The following ADGRV1 variants were observed in gnomAD, a reference collection of about 807,000 sequenced individuals.
ADGRV1 encodes the protein adhesion G protein-coupled receptor V1.
Under a neutral mutation model 596.2 loss-of-function variants are expected in ADGRV1, and 359 were observed. The ratio of observed to expected loss-of-function variants is 0.60; its 90% CI spans 0.55 to 0.66. The LOEUF is 0.66. ADGRV1 is among the 30% of genes least tolerant of loss of function. ADGRV1 has a pLI of 0.00. For missense variants in ADGRV1, 7,274 were observed against 7,575.6 expected (o/e 0.96, Z 1.48); for synonymous variants, 2,681 against 2,679.2 (o/e 1.00, Z -0.02).
rs2150128996 is a variant in ADGRV1, at chr5:90,789,649, AT to A, written c.13894-50del. 3.6e-6 allele frequency: 4 copies of A among 1,123,556 alleles called. No homozygotes were observed. In the South Asian group the frequency reaches 6.2e-5, roughly 17 times the overall value. The allele number at this position is 1,123,556 out of a possible 1,614,324, so 69.6% of individuals were successfully genotyped here. On this transcript the variant is annotated intron_variant, in intron 68 of 89. Transcript: ENST00000405460. ...GTTTGTTAATATGTTGGATACTATA[AT>A]TTCATCCCTATTGTTTTATAAATTA...
intron 21 of ADGRV1, among the ~76,000 whole-genome samples, chr5:90,671,442 T>C (rs1397259352): frequency 6.6e-6 from 1 of 152,164 alleles, no homozygotes; most frequent in East Asian, 1.9e-4. Flanking sequence ...AGAGTTAGAA[T>C]GTTGCCCCTG....
intron 7 of ADGRV1, among the ~76,000 whole-genome samples, chr5:90,628,220 CAAAAT>C (rs70999498): frequency 4.0e-4 from 52 of 129,566 alleles, no homozygotes; most frequent in East Asian, 1.9e-3. Flanking sequence ...ACCCCGCCCA[CAAAAT>C]AAAATAAAAT....
At chr5:91,029,264 T>C (rs1282387599) in intron 85 of ADGRV1, among the ~76,000 whole-genome samples, 1 of 152,238 alleles carries the variant, frequency 6.6e-6, no homozygotes, top group East Asian at 1.9e-4. Context: ...TTTGCCTGTT[T>C]AATCAATATA....
At chr5:90,851,534 G>T (rs1766526846) in intron 79 of ADGRV1, among the ~76,000 whole-genome samples, 1 of 152,124 alleles carries the variant, frequency 6.6e-6, no homozygotes, top group South Asian at 2.1e-4. Context: ...ATATTGAGGA[G>T]AATGACGGAA....
intron 75 of ADGRV1, among the ~76,000 whole-genome samples, chr5:90,822,966 T>C (rs958572697): frequency 6.6e-6 from 1 of 152,208 alleles, no homozygotes; most frequent in Non-Finnish European, 1.5e-5. Context: ...TTGTGATTTC[T>C]GTACATTGAT....
chr5:90,644,308 G>C (rs1767417358), intron 14 of ADGRV1, among the ~76,000 whole-genome samples: 1 of 152,174 alleles, frequency 6.6e-6, no homozygotes, highest in South Asian at 2.1e-4. Context: ...GAGGTGACTG[G>C]AAATGATAAA....
At chr5:90,704,254 A>AT in intron 35 of ADGRV1, 135 bp from the exon 36 acceptor site, 1 of 629,882 alleles carries the variant, frequency 1.6e-6, no homozygotes, top group Non-Finnish European at 2.8e-6. Flanking sequence ...TTATTTATTT[A>AT]TTTTTAAGCC....
chr5:91,127,103 A>G (rs1229450101), intron 87 of ADGRV1, among the ~76,000 whole-genome samples: 1 of 152,190 alleles, frequency 6.6e-6, no homozygotes, highest in Non-Finnish European at 1.5e-5. Flanking sequence ...GTGCTGTACC[A>G]GACTCTTTGT....
chr5:90,669,935 C>T (rs1368252703), intron 21 of ADGRV1, among the ~76,000 whole-genome samples: 2 of 150,792 alleles, frequency 1.3e-5, no homozygotes, highest in Admixed American at 6.6e-5. Context: ...ACTTGGTCCT[C>T]TTCTCCTCTC....
intron 75 of ADGRV1, among the ~76,000 whole-genome samples, chr5:90,819,881 A>C (rs968902025): frequency 1.3e-5 from 2 of 152,092 alleles, no homozygotes; most frequent in African/African-American, 4.8e-5. Context: ...GCTGAAAAAA[A>C]TGTATATTCT....
chr5:91,093,239 T>G (rs1790536658), intron 86 of ADGRV1, among the ~76,000 whole-genome samples: 1 of 152,252 alleles, frequency 6.6e-6, no homozygotes, highest in Non-Finnish European at 1.5e-5. Context: ...CAGATCTATC[T>G]ATCCCTCGAG....
At chr5:90,909,455 A>AG (rs1772643525) in intron 83 of ADGRV1, among the ~76,000 whole-genome samples, 3 of 152,136 alleles carry the variant, frequency 2.0e-5, no homozygotes, top group African/African-American at 7.2e-5. Context: ...GCTGGTTAGT[A>AG]TAGCTGGCTT....
At chr5:90,870,360 G>C (rs929881744) in intron 83 of ADGRV1, among the ~76,000 whole-genome samples, 15 of 152,138 alleles carry the variant, frequency 9.9e-5, no homozygotes, top group Non-Finnish European at 1.0e-4. Context: ...AACTTACATA[G>C]GTAGAACATT....
intron 21 of ADGRV1, among the ~76,000 whole-genome samples, chr5:90,661,028 T>C (rs1312118428): frequency 6.6e-6 from 1 of 152,186 alleles, no homozygotes. Flanking sequence ...TGGTGAGGCA[T>C]GCCAAATAGT....
chr5:90,993,970 A>G (rs1471890751), intron 85 of ADGRV1, among the ~76,000 whole-genome samples: 1 of 138,646 alleles, frequency 7.2e-6, no homozygotes, highest in Non-Finnish European at 1.6e-5. Flanking sequence ...CTGTCTTCAC[A>G]TTTACCAATT....
chr5:90,740,960 CT>C (rs1753887205), intron 50 of ADGRV1, among the ~76,000 whole-genome samples: 1 of 152,208 alleles, frequency 6.6e-6, no homozygotes, highest in South Asian at 2.1e-4. Context: ...TTCAGCCTCA[CT>C]CCCATGTTCT....
At chr5:90,915,199 A>T (rs889330621) in intron 83 of ADGRV1, among the ~76,000 whole-genome samples, 2 of 152,218 alleles carry the variant, frequency 1.3e-5, no homozygotes, top group Admixed American at 1.3e-4. Flanking sequence ...AAGTAATCAT[A>T]GAAAAGGTAT....
chr5:90,829,272 C>G, intron 77 of ADGRV1, 86 bp downstream of exon 77: 1 of 1,088,626 alleles, frequency 9.2e-7, no homozygotes, highest in Admixed American at 2.7e-5. Flanking sequence ...ATAATTGATA[C>G]ATTATTTTCT....
At chr5:90,719,617 C>T (rs1750645731) in intron 43 of ADGRV1, among the ~76,000 whole-genome samples, 1 of 151,762 alleles carries the variant, frequency 6.6e-6, no homozygotes, top group Non-Finnish European at 1.5e-5. Context: ...TAAAATAGAC[C>T]ACTATTGGTT....
Sources: gnomAD v4.1 joint callset for allele counts (sites outside exome capture counted in the v4.1 genomes callset) on GRCh38, gnomAD v4.1.1 for gene constraint, MANE v1.5 for transcripts, NCBI Gene and HGNC (gene_info 2026-07-23, HGNC 2026-07-21) for gene names.